Variants in RAD52 observed in about 807,000 individuals in gnomAD.
RAD52 encodes the protein DNA repair protein RAD52 homolog.
RAD52 carries 47 observed loss-of-function variants against 55.5 expected under a neutral mutation model. The ratio of observed to expected loss-of-function variants is 0.85; its 90% confidence interval spans 0.67 to 1.08. The LOEUF is 1.08. RAD52 is among the 50% of genes least tolerant of loss of function. The probability of loss-of-function intolerance (pLI) is 0.00; values close to 1 mark genes in which losing one functional copy is unlikely to be tolerated. For missense variants in RAD52, 468 were observed against 522.8 expected, an observed-to-expected ratio of 0.90 and a Z score of 1.02; for synonymous variants, 184 against 198.9, an observed-to-expected ratio of 0.92 and a Z score of 0.63.
intron 1 of RAD52, among the ~76,000 whole-genome samples, chr12:972,138 T>C (rs1224571043): frequency 6.6e-6 from 1 of 152,154 alleles, no homozygotes; most frequent in African/African-American, 2.4e-5. Context: ...TGTTTATGTA[T>C]ACATTCAGGA....
intron 1 of RAD52, among the ~76,000 whole-genome samples, chr12:965,270 C>T (rs1036926495): frequency 5.9e-5 from 9 of 152,142 alleles, no homozygotes; most frequent in African/African-American, 1.9e-4. Context: ...AGCCACTGTG[C>T]CCGGCCACAT....
Position 930,117 on chromosome 12 carries a change from T to C in RAD52, c.214A>G (p.Ile72Val). 2.5e-6 allele frequency: 4 copies of C among 1,614,012 alleles called. No individual in the cohort carries two copies. Among genetic ancestry groups the C allele is most frequent in the Non-Finnish European group, 2.5e-6 (3 of 1,179,908 alleles). ...CCAAACATCTCATTGGCCAGATTAA[T>C]TACCCGATGACCCTCAATGTAGCAC... ...KVCYIEGHRV[I>V]NLANEMFGYN... The change falls in exon 4 of 12, where the codon ATT becomes GTT. Residue 72 changes from isoleucine (I) to valine (V), a missense_variant. Transcript: ENST00000358495.
intron 1 of RAD52, among the ~76,000 whole-genome samples, chr12:967,670 C>T (rs775112950): frequency 1.3e-5 from 2 of 152,002 alleles, no homozygotes; most frequent in Non-Finnish European, 2.9e-5. Context: ...AGTGGCGCGA[C>T]CAAAGTTCAC....
At chr12:980,934 T>C (rs1344976724) in intron 1 of RAD52, among the ~76,000 whole-genome samples, 1 of 152,174 alleles carries the variant, frequency 6.6e-6, no homozygotes, top group Admixed American at 6.6e-5. Context: ...CCAAAGTTCA[T>C]GTCCTTCTCA....
At chr12:925,605 G>C (rs1218308977) in intron 6 of RAD52, 80 bp from the exon 7 acceptor site, 3 of 1,202,438 alleles carry the variant, frequency 2.5e-6, no homozygotes, top group East Asian at 2.3e-5. Flanking sequence ...TACAACTTTT[G>C]TACAGGTTGC....
intron 1 of RAD52, 28 bp downstream of exon 1, chr12:949,574 G>C (rs1376782027): frequency 6.6e-6 from 1 of 151,352 alleles, no homozygotes; most frequent in Admixed American, 6.6e-5. Context: ...AACCACCCCG[G>C]GGGAAGCCGC....
At chr12:922,191 TA>T (rs79763100) in intron 7 of RAD52, among the ~76,000 whole-genome samples, 56 of 81,676 alleles carry the variant, frequency 6.9e-4, no homozygotes, top group African/African-American at 2.5e-3. Flanking sequence ...TAGGTTGGCT[TA>T]AAAAAAAAAA....
At chr12:929,631 G>A in intron 5 of RAD52, 188 bp downstream of exon 5, 1 of 779,128 alleles carries the variant, frequency 1.3e-6, no homozygotes, top group Non-Finnish European at 2.4e-6. Context: ...ATGTGCAAGA[G>A]AACAGTTTTT....
intron 7 of RAD52, among the ~76,000 whole-genome samples, chr12:922,195 A>AC (rs1956768489): frequency 6.9e-6 from 1 of 144,932 alleles, no homozygotes; most frequent in Non-Finnish European, 1.5e-5. Context: ...TTGGCTTAAA[A>AC]AAAAAAAAAA....
chr12:927,250 T>C lies in RAD52; in HGVS notation c.362A>G (p.His121Arg). The C allele has an allele frequency of 3.7e-6, 6 of 1,613,428 alleles. No individual in the cohort carries two copies. The highest frequency in any genetic ancestry group is 1.7e-4 in the Middle Eastern group (1 of 6,060). Residue 121 changes from histidine to arginine, a missense_variant, in exon 6 of 12, where the codon CAT (histidine) becomes CGT (arginine). By Grantham distance (29) the His-to-Arg change is conservative. Coordinates refer to ENST00000358495, the MANE Select transcript of RAD52 (RefSeq NM_134424.4). ...ACTAACACCATAACCAACATCTTCA[T>C]GATATGAACCATCCTGGGGGCAGAA... The part of the protein sequence containing the change: ...VRVQLKDGSY[H>R]EDVGYGVSEG...
At chr12:953,340 AAGAC>A (rs1238440946), upstream of RAD52, among the ~76,000 whole-genome samples, 1 of 152,010 alleles carries the variant, frequency 6.6e-6, no homozygotes. Flanking sequence ...AACAGAGACA[AAGAC>A]AGAAGGAAGG....
intron 5 of RAD52, among the ~76,000 whole-genome samples, chr12:929,371 C>T (rs1160957946): frequency 6.6e-6 from 1 of 152,172 alleles, no homozygotes; most frequent in Non-Finnish European, 1.5e-5. Flanking sequence ...AACAGATTTA[C>T]GGTAAGTGCT....
intron 1 of RAD52, among the ~76,000 whole-genome samples, chr12:957,717 G>C (rs1039124828): frequency 6.6e-6 from 1 of 152,180 alleles, no homozygotes; most frequent in Non-Finnish European, 1.5e-5. Context: ...TTGAGCCCAG[G>C]AGGCGGAGGT....
rs1462839504 is a variant in RAD52 at position 912,900 on chromosome 12, AGCACT to A, written c.*486_*490del. 1 of 198,014 alleles carries A rather than the reference AGCACT, an allele frequency of 5.1e-6. No individual in the cohort carries two copies. Among genetic ancestry groups the A allele is most frequent in the Admixed American group, 6.1e-5 (1 of 16,486 alleles). 12.3% of individuals were successfully genotyped at this position (198,014 alleles called of 1,614,324 possible). ...CCTGGATTGATACAAAGTAGTGAAA[AGCACT>A]GCTCCAACCTTTTTCCTGTCGTGAT... On this transcript the variant is annotated 3_prime_UTR_variant, in exon 12 of 12. Transcript: ENST00000358495.
intron 9 of RAD52, among the ~76,000 whole-genome samples, chr12:916,047 A>G (rs1387257766): frequency 6.6e-6 from 1 of 152,192 alleles, no homozygotes; most frequent in Non-Finnish European, 1.5e-5. Context: ...TGGCCAAAGC[A>G]TTCGAAGCAA....
At chr12:930,977 T>TAAAA (rs11397921) in intron 3 of RAD52, among the ~76,000 whole-genome samples, 1 of 141,798 alleles carries the variant, frequency 7.1e-6, no homozygotes, top group Non-Finnish European at 1.5e-5. Flanking sequence ...TCTTTAAAAA[T>TAAAA]AAAAAAAAAA....
chr12:991,058 C>T (rs1959184103), upstream of RAD52: 1 of 151,786 alleles, frequency 6.6e-6, no homozygotes, highest in Non-Finnish European at 1.5e-5. Context: ...CACCCGCGTG[C>T]CCCGGAAGGC....
At chr12:936,506 T>A (rs911738804) in intron 1 of RAD52, among the ~76,000 whole-genome samples, 2 of 92,922 alleles carry the variant, frequency 2.2e-5, no homozygotes, top group Non-Finnish European at 2.3e-5. Context: ...AAAAAAAAAA[T>A]TTAAGAGACA....
intron 1 of RAD52, among the ~76,000 whole-genome samples, chr12:971,274 G>A (rs1183481125): frequency 2.0e-5 from 3 of 151,868 alleles, no homozygotes; most frequent in Non-Finnish European, 2.9e-5. Context: ...AAAACATTGT[G>A]GGGAAGGGCA....
Sources: allele counts gnomAD v4.1 joint callset (sites outside exome capture counted in the v4.1 genomes callset), GRCh38; gene constraint gnomAD v4.1.1; transcripts MANE v1.5; gene names NCBI Gene and HGNC (gene_info 2026-07-23, HGNC 2026-07-21).